Variants in LRRIQ1 observed in about 807,000 individuals in gnomAD.
LRRIQ1 encodes the protein leucine rich repeats and IQ motif containing 1, also known as leucine-rich repeat- and IQ domain-containing protein 1.
Under a neutral mutation model 211.9 loss-of-function variants are expected in LRRIQ1, and 210 were observed. The ratio of observed to expected loss-of-function variants is 0.99; its 90% confidence interval spans 0.89 to 1.11. The LOEUF is 1.11. LRRIQ1 is among the 50% of genes most tolerant of loss of function. The probability of loss-of-function intolerance (pLI) is 0.00; values close to 1 mark genes in which losing one functional copy is unlikely to be tolerated. For synonymous variants in LRRIQ1, 699 were observed against 650.1 expected, an observed-to-expected ratio of 1.08 and a Z score of -1.14; for missense variants, 2,136 against 1,939.5, an observed-to-expected ratio of 1.10 and a Z score of -1.90.
downstream of LRRIQ1, among the ~76,000 whole-genome samples, chr12:85,265,778 AT>A (rs202074636): frequency 8.8e-3 from 1,345 of 152,078 alleles, 16 homozygotes; most frequent in African/African-American, 0.029. Flanking sequence ...TTTCTTTTTA[AT>A]TTTTTCAATG....
At chr12:85,257,047 T>TATATAAATATAATTATATAATTATATAA (rs1491331784) in intron 1 of LRRIQ1, among the ~76,000 whole-genome samples, 1 of 108,670 alleles carries the variant, frequency 9.2e-6, no homozygotes, top group African/African-American at 4.2e-5. Context: ...ATTATATAAT[T>TATATAAATATAATTATATAATTATATAA]ATATATATAA....
chr12:85,210,346 A>G (rs1255818980), intron 24 of LRRIQ1, among the ~76,000 whole-genome samples: 1 of 152,200 alleles, frequency 6.6e-6, no homozygotes, highest in African/African-American at 2.4e-5. Context: ...ATGCTTACGG[A>G]AAAACTAATA....
chr12:85,231,345 G>A (rs1399595479), intron 25 of LRRIQ1, among the ~76,000 whole-genome samples: 1 of 152,152 alleles, frequency 6.6e-6, no homozygotes, highest in African/African-American at 2.4e-5. Flanking sequence ...ATGTCAGATT[G>A]TAATGTGAAC....
At chr12:85,177,312 T>C (rs1314966874) in intron 24 of LRRIQ1, among the ~76,000 whole-genome samples, 1 of 152,026 alleles carries the variant, frequency 6.6e-6, no homozygotes, top group Non-Finnish European at 1.5e-5. Context: ...GAGTTCTCTA[T>C]CTAGAAGCAG....
At chr12:85,187,670 G>T (rs2660451) in intron 24 of LRRIQ1, among the ~76,000 whole-genome samples, 1 of 151,758 alleles carries the variant, frequency 6.6e-6, no homozygotes, top group Non-Finnish European at 1.5e-5. Flanking sequence ...ATAGCTGGGC[G>T]TGGTGGCTCA....
At chr12:85,224,152 G>A (rs1317678075) in intron 24 of LRRIQ1, among the ~76,000 whole-genome samples, 3 of 136,090 alleles carry the variant, frequency 2.2e-5, no homozygotes, top group Non-Finnish European at 4.9e-5. Flanking sequence ...ATGAAAAAAA[G>A]CTCATCACTG....
At chr12:85,209,690 T>C (rs1404809734) in intron 24 of LRRIQ1, among the ~76,000 whole-genome samples, 1 of 152,218 alleles carries the variant, frequency 6.6e-6, no homozygotes, top group East Asian at 1.9e-4. Flanking sequence ...CTAAGATTTA[T>C]TCTTAATATT....
At chr12:85,047,553 T>C in intron 6 of LRRIQ1, 83 bp downstream of exon 6, 1 of 1,185,990 alleles carries the variant, frequency 8.4e-7, no homozygotes, top group Non-Finnish European at 1.2e-6. Context: ...TGTTGCAGAT[T>C]GAGCTTAATA....
the LRRIQ1 span, among the ~76,000 whole-genome samples, chr12:85,270,067 G>C: frequency 6.6e-6 from 1 of 151,822 alleles, no homozygotes; most frequent in Admixed American, 6.6e-5. Flanking sequence ...CTAATCTAAC[G>C]TTATTACCTC....
intron 10 of LRRIQ1, among the ~76,000 whole-genome samples, chr12:85,068,666 G>A (rs137897589): frequency 8.6e-5 from 13 of 151,742 alleles, no homozygotes; most frequent in South Asian, 4.1e-4. Flanking sequence ...CTGATAGCAC[G>A]TAATCAAATT....
At chr12:85,175,510 A>G (rs1565885111) in intron 24 of LRRIQ1, among the ~76,000 whole-genome samples, 1 of 152,188 alleles carries the variant, frequency 6.6e-6, no homozygotes. Context: ...GGGTTTCTAT[A>G]TGGTTAAATC....
chr12:85,272,066 T>A, the LRRIQ1 span, among the ~76,000 whole-genome samples: 2 of 152,162 alleles, frequency 1.3e-5, no homozygotes, highest in African/African-American at 4.8e-5. Flanking sequence ...TGACGTACCA[T>A]AGAGACACTT....
chr12:85,189,820 TA>T (rs1462808131), intron 24 of LRRIQ1, among the ~76,000 whole-genome samples: 3 of 145,756 alleles, frequency 2.1e-5, no homozygotes, highest in African/African-American at 7.4e-5. Context: ...ACAGTTAATA[TA>T]AATAATAATT....
intron 13 of LRRIQ1, among the ~76,000 whole-genome samples, chr12:85,100,211 A>G (rs1886242363): frequency 6.6e-6 from 1 of 151,818 alleles, no homozygotes; most frequent in African/African-American, 2.4e-5. Context: ...GAGATTATAA[A>G]GAAAATCAAG....
At chr12:85,131,048 T>TA (rs35852058) in intron 18 of LRRIQ1, among the ~76,000 whole-genome samples, 2,461 of 130,156 alleles carry the variant, frequency 0.019, 27 homozygotes, top group Middle Eastern at 0.041. Context: ...TCATCTCTAC[T>TA]AAAAAAAAAA....
chr12:85,205,999 A>T (rs1254577514), intron 24 of LRRIQ1, among the ~76,000 whole-genome samples: 1 of 152,120 alleles, frequency 6.6e-6, no homozygotes, highest in Non-Finnish European at 1.5e-5. Flanking sequence ...GCTGGATTGT[A>T]AGGGCTGAGG....
At chr12:85,135,809 A>T (rs1190639300) in intron 18 of LRRIQ1, among the ~76,000 whole-genome samples, 1 of 151,950 alleles carries the variant, frequency 6.6e-6, no homozygotes, top group Non-Finnish European at 1.5e-5. Context: ...GGTTCATTTG[A>T]CATACATTTT....
At chr12:85,201,014 A>T (rs1265282971) in intron 24 of LRRIQ1, among the ~76,000 whole-genome samples, 1 of 151,052 alleles carries the variant, frequency 6.6e-6, no homozygotes, top group Non-Finnish European at 1.5e-5. Flanking sequence ...TATTTTTAGT[A>T]TAGACAGGGT....
chr12:85,169,263 T>A (rs1891296718), intron 24 of LRRIQ1, among the ~76,000 whole-genome samples: 1 of 152,156 alleles, frequency 6.6e-6, no homozygotes, highest in Non-Finnish European at 1.5e-5. Context: ...ATGATTTTTT[T>A]TATAAGTCTT....
Sources: allele counts gnomAD v4.1 joint callset (sites outside exome capture counted in the v4.1 genomes callset), GRCh38; gene constraint gnomAD v4.1.1; transcripts MANE v1.5; gene names NCBI Gene and HGNC (gene_info 2026-07-23, HGNC 2026-07-21).